Variants in OSBPL10 observed in about 807,000 individuals in gnomAD.
OSBPL10 encodes the protein oxysterol-binding protein-related protein 10.
A neutral mutation model predicts 81.7 loss-of-function variants in OSBPL10; 49 were observed. The observed-to-expected ratio is 0.60, with a 90% CI of 0.48 to 0.76. OSBPL10 has a LOEUF of 0.76. Ranked by LOEUF, OSBPL10 falls within the 30% of genes least tolerant of loss-of-function variation. The pLI is 0.00. For synonymous variants in OSBPL10, 419 were observed against 383.6 expected (o/e 1.09, Z -1.08); for missense variants, 923 against 987.8 (o/e 0.93, Z 0.88).
At chr3:31,991,128 T>C in intron 2 of OSBPL10, 2 of 798,158 alleles carry the variant, frequency 2.5e-6, no homozygotes, top group Non-Finnish European at 4.0e-6. Context: ...AGTTCAAGCA[T>C]TAATTGACAT....
At chr3:31,675,877 C>T (rs971429987) in intron 8 of OSBPL10, among the ~76,000 whole-genome samples, 28 of 142,442 alleles carry the variant, frequency 2.0e-4, no homozygotes, top group Admixed American at 1.8e-3. Flanking sequence ...ACCTGGGAGG[C>T]GGAGCTTGCA....
chr3:31,709,883 C>G (rs1403265074), intron 6 of OSBPL10, among the ~76,000 whole-genome samples: 1 of 152,212 alleles, frequency 6.6e-6, no homozygotes, highest in Non-Finnish European at 1.5e-5. Flanking sequence ...GACACTAGCA[C>G]TTTAAAACCA....
intron 8 of OSBPL10, among the ~76,000 whole-genome samples, chr3:31,683,069 G>T (rs1369398582): frequency 6.6e-6 from 1 of 152,100 alleles, no homozygotes; most frequent in Non-Finnish European, 1.5e-5. Context: ...GATTATTATA[G>T]GTTTCTTCAA....
At chr3:31,989,749 C>T (rs747384627) in intron 2 of OSBPL10, 4 of 1,614,110 alleles carry the variant, frequency 2.5e-6, no homozygotes, top group South Asian at 1.1e-5. Context: ...ACAGGAAGTA[C>T]ACATAAGAGA....
intron 1 of OSBPL10, among the ~76,000 whole-genome samples, chr3:31,972,472 C>T (rs891931643): frequency 2.6e-5 from 4 of 152,208 alleles, no homozygotes; most frequent in Non-Finnish European, 4.4e-5. Context: ...CGGTGGTTTT[C>T]ATTGCATTGT....
At chr3:31,768,377 T>C (rs1485884932) in intron 4 of OSBPL10, among the ~76,000 whole-genome samples, 3 of 152,146 alleles carry the variant, frequency 2.0e-5, no homozygotes. Context: ...AATCTGACCA[T>C]TTATAGAAGG....
At chr3:31,800,783 C>G (rs184686569) in intron 4 of OSBPL10, among the ~76,000 whole-genome samples, 113 of 152,266 alleles carry the variant, frequency 7.4e-4, no homozygotes, top group African/African-American at 2.4e-3. Context: ...ATGCTGACAA[C>G]AGCTAAGGAG....
At chr3:31,681,040 C>T (rs1490850460) in intron 8 of OSBPL10, among the ~76,000 whole-genome samples, 1 of 152,122 alleles carries the variant, frequency 6.6e-6, no homozygotes, top group East Asian at 1.9e-4. Context: ...TTACATCTTT[C>T]CCCCACAGAT....
chr3:31,824,142 G>A (rs1700045803), intron 4 of OSBPL10, among the ~76,000 whole-genome samples: 1 of 152,142 alleles, frequency 6.6e-6, no homozygotes, highest in African/African-American at 2.4e-5. Flanking sequence ...TTATAGGCAT[G>A]AGCCACCACG....
chr3:31,921,809 C>A (rs1456738607), intron 1 of OSBPL10, among the ~76,000 whole-genome samples: 1 of 152,152 alleles, frequency 6.6e-6, no homozygotes, highest in East Asian at 1.9e-4. Flanking sequence ...AGGGGAAAAA[C>A]CTGAAATATA....
intron 4 of OSBPL10, among the ~76,000 whole-genome samples, chr3:31,763,791 C>T (rs891975179): frequency 6.6e-6 from 1 of 152,050 alleles, no homozygotes; most frequent in African/African-American, 2.4e-5. Flanking sequence ...AGAAAAAAAA[C>T]TGGGCAAAAA....
chr3:32,002,173 C>T (rs754042155), intron 2 of OSBPL10, among the ~76,000 whole-genome samples: 10 of 152,120 alleles, frequency 6.6e-5, no homozygotes, highest in East Asian at 3.9e-4. Flanking sequence ...TTCATTTACT[C>T]GCCCATTCAA....
At chr3:31,677,124 T>C (rs1406441939) in intron 8 of OSBPL10, among the ~76,000 whole-genome samples, 1 of 152,112 alleles carries the variant, frequency 6.6e-6, no homozygotes, top group Non-Finnish European at 1.5e-5. Context: ...AAAAGCATTA[T>C]TTACACCCAA....
chr3:31,850,496 A>C (rs1378303075), intron 3 of OSBPL10, among the ~76,000 whole-genome samples: 1 of 152,178 alleles, frequency 6.6e-6, no homozygotes, highest in Non-Finnish European at 1.5e-5. Context: ...TACTTTGGAG[A>C]ATAGAGTGGA....
chr3:32,002,381 C>T (rs1445436414), intron 2 of OSBPL10, among the ~76,000 whole-genome samples: 1 of 152,082 alleles, frequency 6.6e-6, no homozygotes, highest in Non-Finnish European at 1.5e-5. Flanking sequence ...AAAAGAATTA[C>T]AGTATGGGGC....
At chr3:31,819,930 A>G (rs1699938969) in intron 4 of OSBPL10, among the ~76,000 whole-genome samples, 3 of 152,214 alleles carry the variant, frequency 2.0e-5, no homozygotes, top group Admixed American at 1.3e-4. Flanking sequence ...CCATCTGTAG[A>G]TGGCCACTTC....
At chr3:31,912,158 G>A (rs1696598711) in intron 1 of OSBPL10, among the ~76,000 whole-genome samples, 1 of 152,166 alleles carries the variant, frequency 6.6e-6, no homozygotes, top group East Asian at 1.9e-4. Context: ...AACTTTGGGG[G>A]GCCGAGGCAG....
rs781346865 is a variant in OSBPL10 at position 31,664,141 on chromosome 3, C to T, written c.2188G>A (p.Val730Met). 4.4e-5 allele frequency: 71 copies of T among 1,613,816 alleles called. No individual in the cohort carries two copies. The highest frequency in any genetic ancestry group is 1.3e-4 in the Admixed American group (8 of 59,988). The change falls in exon 11 of 12, where the codon GTG becomes ATG. Residue 730 changes from valine (V) to methionine (M), a missense_variant. Around this residue, in one of 3 missense-constraint regions of OSBPL10, gnomAD observed 387 missense variants for 436.3 expected, o/e 0.89. Coordinates refer to ENST00000396556, the MANE Select transcript of OSBPL10 (RefSeq NM_017784.5). Reference sequence around the variant, plus strand: ...AGGTTCTCGCGCTTCCGTTCCTCCACCCGTTGCTTCTCCTCCAGGTGCCGC... The same window carrying T: ...AGGTTCTCGCGCTTCCGTTCCTCCATCCGTTGCTTCTCCTCCAGGTGCCGC... ...QKRHLEEKQR[V>M]EERKRENLRT...
At chr3:32,052,924 C>T (rs1699680277) in intron 1 of OSBPL10, among the ~76,000 whole-genome samples, 1 of 152,070 alleles carries the variant, frequency 6.6e-6, no homozygotes, top group Non-Finnish European at 1.5e-5. Context: ...ACCTACGTAA[C>T]AAACCTGCAC....
Sources: gnomAD v4.1 joint callset for allele counts (sites outside exome capture counted in the v4.1 genomes callset) on GRCh38, gnomAD v4.1.1 for gene constraint, gnomAD v4.1.1 regional missense constraint, MANE v1.5 for transcripts, NCBI Gene and HGNC (gene_info 2026-07-23, HGNC 2026-07-21) for gene names.